RGS6: variants seen among roughly 807,000 people sequenced by gnomAD.
RGS6 encodes the protein regulator of G protein signaling 6.
A neutral mutation model predicts 78.5 loss-of-function variants in RGS6; 30 were observed. That is an observed-to-expected ratio of 0.38 (90% confidence interval 0.29 to 0.52). The LOEUF (loss-of-function observed/expected upper bound fraction) is 0.52, where lower values mean the gene tolerates loss of function less well. Among genes scored for constraint, RGS6 ranks in the 20% least tolerant of loss-of-function variants. RGS6 has a pLI of 0.85. For missense variants in RGS6, 495 were observed against 609.7 expected (o/e 0.81, Z 1.98); for synonymous variants, 206 against 206.0 (o/e 1.00, Z 0.00).
chr14:72,273,479 C>A (rs1428777826), intron 2 of RGS6, among the ~76,000 whole-genome samples: 7 of 151,788 alleles, frequency 4.6e-5, no homozygotes, highest in Non-Finnish European at 2.9e-5. Context: ...ACAGCAGGGG[C>A]AATCGGTGGT....
At chr14:71,887,231 C>T in the RGS6 span, among the ~76,000 whole-genome samples, 44 of 152,264 alleles carry the variant, frequency 2.9e-4, no homozygotes, top group Non-Finnish European at 3.1e-4. Context: ...TGAGGATGTA[C>T]GTCACCTCAG....
chr14:72,598,156 C>A, the RGS6 span, among the ~76,000 whole-genome samples: 3 of 152,208 alleles, frequency 2.0e-5, no homozygotes, highest in Non-Finnish European at 4.4e-5. Flanking sequence ...GGGGCTCTTC[C>A]AGATAACACT....
chr14:72,478,560 C>A (rs895809410), intron 12 of RGS6, among the ~76,000 whole-genome samples: 1 of 152,088 alleles, frequency 6.6e-6, no homozygotes, highest in Non-Finnish European at 1.5e-5. Context: ...GGGGTGGCCA[C>A]GGGACCTTGT....
At chr14:71,975,213 T>A (rs1414032060) in intron 2 of RGS6, among the ~76,000 whole-genome samples, 8 of 152,192 alleles carry the variant, frequency 5.3e-5, no homozygotes, top group Non-Finnish European at 1.0e-4. Flanking sequence ...TTTTCTAGAT[T>A]TAGAATTCTA....
chr14:72,605,222 G>A, the RGS6 span, among the ~76,000 whole-genome samples: 2 of 152,202 alleles, frequency 1.3e-5, no homozygotes, highest in Non-Finnish European at 2.9e-5. Flanking sequence ...TGCTGGAGAA[G>A]GGGATGGGAA....
chr14:72,420,680 C>T (rs2094127574), intron 3 of RGS6, among the ~76,000 whole-genome samples: 1 of 152,056 alleles, frequency 6.6e-6, no homozygotes, highest in Non-Finnish European at 1.5e-5. Context: ...TCATGAAAAA[C>T]CTTCACTAGT....
chr14:72,140,079 T>C (rs2096516421), intron 2 of RGS6, among the ~76,000 whole-genome samples: 1 of 150,326 alleles, frequency 6.7e-6, no homozygotes, highest in Non-Finnish European at 1.5e-5. Flanking sequence ...TTTGATGGAA[T>C]TGGCCCATGT....
At chr14:72,473,938 A>C (rs980391149) in intron 9 of RGS6, 1 of 152,290 alleles carries the variant, frequency 6.6e-6, no homozygotes, top group African/African-American at 2.4e-5. Context: ...GGGCCATTTT[A>C]AACAGCAAAA....
intron 2 of RGS6, among the ~76,000 whole-genome samples, chr14:71,989,423 G>A (rs2094860188): frequency 6.6e-6 from 1 of 152,206 alleles, no homozygotes; most frequent in African/African-American, 2.4e-5. Context: ...TCTAATCACT[G>A]AGTTATGGTG....
intron 2 of RGS6, among the ~76,000 whole-genome samples, chr14:72,348,890 G>GAT (rs2078566688): frequency 6.6e-6 from 1 of 152,202 alleles, no homozygotes; most frequent in Non-Finnish European, 1.5e-5. Flanking sequence ...TTTATGGCCG[G>GAT]GCGTGGTGGC....
chr14:72,144,973 G>A lies in RGS6; in HGVS notation c.84+180098G>A, dbSNP rs550078319. Among the ~76,000 whole-genome samples, 13 of 152,086 alleles carry A rather than the reference G, an allele frequency of 8.5e-5. No individual in the cohort carries two copies. The East Asian group carries it at 9.6e-4, about 11-fold the overall frequency. On this transcript the variant is annotated intron_variant, in intron 2 of 17. Transcript: ENST00000553525. ...TTTGGCAGGTAGGGGCTCAGGAAGC[G>A]AGGAGTGATGATTGGTCAGGTTGGA...
chr14:72,012,749 G>C (rs2086041435), intron 2 of RGS6, among the ~76,000 whole-genome samples: 1 of 152,142 alleles, frequency 6.6e-6, no homozygotes, highest in Admixed American at 6.5e-5. Flanking sequence ...AATTTGAATT[G>C]TGCCTCAACC....
At chr14:72,078,207 AC>A (rs2094661999) in intron 2 of RGS6, among the ~76,000 whole-genome samples, 1 of 151,620 alleles carries the variant, frequency 6.6e-6, no homozygotes, top group African/African-American at 2.4e-5. Context: ...AGTGTGTGGC[AC>A]CTCCCCAAAC....
intron 2 of RGS6, among the ~76,000 whole-genome samples, chr14:72,336,284 T>A (rs1446899484): frequency 2.0e-5 from 3 of 152,230 alleles, no homozygotes; most frequent in Non-Finnish European, 4.4e-5. Context: ...CTCCTGATTC[T>A]AGAAAACAGT....
chr14:72,094,009 G>A (rs112051778), intron 2 of RGS6, among the ~76,000 whole-genome samples: 5,767 of 152,032 alleles, frequency 0.038, 136 homozygotes, highest in Non-Finnish European at 0.053. Flanking sequence ...CTATACAGCT[G>A]TATCATAAAA....
the RGS6 span, among the ~76,000 whole-genome samples, chr14:72,584,450 T>C: frequency 5.3e-5 from 8 of 152,156 alleles, no homozygotes; most frequent in African/African-American, 1.7e-4. Context: ...GGATGGCTAC[T>C]TTAGATTGGG....
chr14:72,133,464 C>T (rs1820678830), intron 2 of RGS6, among the ~76,000 whole-genome samples: 1 of 152,102 alleles, frequency 6.6e-6, no homozygotes, highest in Non-Finnish European at 1.5e-5. Context: ...TAAACGCTGA[C>T]CATACTGAAC....
intron 2 of RGS6, among the ~76,000 whole-genome samples, chr14:72,287,126 G>A (rs1045297502): frequency 6.6e-6 from 1 of 152,162 alleles, no homozygotes; most frequent in African/African-American, 2.4e-5. Context: ...TTCAGTCTTA[G>A]TACAGGGAAA....
intron 2 of RGS6, among the ~76,000 whole-genome samples, chr14:72,027,315 A>G (rs2090069061): frequency 6.6e-6 from 1 of 152,340 alleles, no homozygotes; most frequent in African/African-American, 2.4e-5. Flanking sequence ...GCTTAGGGTC[A>G]GGAGTGCCTC....
Sources: allele counts gnomAD v4.1 joint callset (sites outside exome capture counted in the v4.1 genomes callset), GRCh38; gene constraint gnomAD v4.1.1; transcripts MANE v1.5; gene names NCBI Gene and HGNC (gene_info 2026-07-23, HGNC 2026-07-21).